PPP1R14C: variants seen among roughly 807,000 people sequenced by gnomAD.
PPP1R14C encodes protein phosphatase 1 regulatory subunit 14C.
A neutral mutation model predicts 20.4 loss-of-function variants in PPP1R14C; 16 were observed. That is an observed-to-expected ratio of 0.78 (90% confidence interval 0.53 to 1.19). The LOEUF is 1.19. Among genes scored for constraint, PPP1R14C ranks in the 50% most tolerant of loss-of-function variants. The pLI, the probability that PPP1R14C is intolerant of heterozygous loss-of-function variation, is 0.00. For missense variants in PPP1R14C, 211 were observed against 220.1 expected, an observed-to-expected ratio of 0.96 and a Z score of 0.26; for synonymous variants, 91 against 91.0, an observed-to-expected ratio of 1.00 and a Z score of 0.00.
intron 1 of PPP1R14C, among the ~76,000 whole-genome samples, chr6:150,209,853 G>A (rs1317657886): frequency 6.6e-6 from 1 of 151,702 alleles, no homozygotes; most frequent in Non-Finnish European, 1.5e-5. Context: ...GTGTGTGTGT[G>A]TGTGTGGATG....
Position 150,163,644 on chromosome 6 carries a change from G to T in PPP1R14C, c.306+20146G>T, listed in dbSNP as rs573252897. Among the ~76,000 whole-genome samples, 145 of 151,968 alleles carry T rather than the reference G, an allele frequency of 9.5e-4. 1 individual carries two copies. Among genetic ancestry groups the T allele is most frequent in the African/African-American group, 3.4e-3 (140 of 41,418 alleles). On this transcript the variant is annotated intron_variant, in intron 1 of 3. Coordinates refer to ENST00000361131, the MANE Select transcript of PPP1R14C (RefSeq NM_030949.3). Reference sequence around the variant, plus strand: ...AAGCTTTTATGTCTGTTTTTTTGTTGTTGTTGTTGTTCAACATTAGATGTG... The same window carrying T: ...AAGCTTTTATGTCTGTTTTTTTGTTTTTGTTGTTGTTCAACATTAGATGTG...
At chr6:150,195,260 T>TA in intron 1 of PPP1R14C, 3 of 676,958 alleles carry the variant, frequency 4.4e-6, no homozygotes, top group Non-Finnish European at 3.6e-6. Flanking sequence ...TACCATGTTA[T>TA]ACATGGGGGC....
chr6:150,170,586 T>G (rs1777486984), intron 1 of PPP1R14C, among the ~76,000 whole-genome samples: 1 of 152,132 alleles, frequency 6.6e-6, no homozygotes, highest in Non-Finnish European at 1.5e-5. Flanking sequence ...CCTCCCAAAG[T>G]GCTGGAATTA....
intron 1 of PPP1R14C, among the ~76,000 whole-genome samples, chr6:150,213,326 G>T (rs987387822): frequency 3.4e-5 from 5 of 149,186 alleles, no homozygotes; most frequent in Non-Finnish European, 7.4e-5. Context: ...AGTATACTGG[G>T]GTCCTCACTT....
At chr6:150,240,636 G>C (rs531197808) in intron 3 of PPP1R14C, among the ~76,000 whole-genome samples, 4 of 152,192 alleles carry the variant, frequency 2.6e-5, no homozygotes, top group African/African-American at 9.6e-5. Context: ...GATTGTTTGC[G>C]GGAGAGGACC....
At chr6:150,217,991 C>T (rs1225572532) in intron 3 of PPP1R14C, among the ~76,000 whole-genome samples, 2 of 152,098 alleles carry the variant, frequency 1.3e-5, no homozygotes, top group Non-Finnish European at 2.9e-5. Context: ...TAATTTTAGC[C>T]ACCAAAATAT....
In PPP1R14C at chr6:150,179,703, C is replaced by A. The variant is rs573150020; in HGVS notation, c.307-35041C>A. ...TCTCTTACACAGGTGACATAAATAA[C>A]TTTTTTTTCCAAATACAGCTGTGAC... On this transcript the variant is annotated intron_variant, in intron 1 of 3. Transcript: ENST00000361131. Among the ~76,000 whole-genome samples the A allele has an allele frequency of 2.6e-5, 4 of 151,664 alleles. No individual in the cohort carries two copies. In the East Asian group the frequency reaches 7.8e-4, roughly 29 times the overall value.
chr6:150,192,182 G>A (rs905303611), intron 1 of PPP1R14C, among the ~76,000 whole-genome samples: 30 of 152,130 alleles, frequency 2.0e-4, no homozygotes, highest in Non-Finnish European at 8.8e-5. Flanking sequence ...GATGCCGCCT[G>A]GGCTGCCTGG....
rs143293967 is a variant in PPP1R14C, at chr6:150,175,555, A to G, written c.306+32057A>G. Among the ~76,000 whole-genome samples, 268 of 152,376 alleles carry G rather than the reference A, an allele frequency of 1.8e-3. 1 individual carries two copies. Among genetic ancestry groups the G allele is most frequent in the African/African-American group, 6.2e-3 (259 of 41,588 alleles). ...TCCTTTGTAAAATATTACTTCAACAATAAAAGTGAACTCTTGAGCATGGGG... is the reference window on the plus strand; with the variant it reads ...TCCTTTGTAAAATATTACTTCAACAGTAAAAGTGAACTCTTGAGCATGGGG... On this transcript the variant is annotated intron_variant, in intron 1 of 3. Coordinates refer to ENST00000361131, the MANE Select transcript of PPP1R14C (RefSeq NM_030949.3).
Position 150,170,276 on chromosome 6 carries a change from A to G in PPP1R14C, c.306+26778A>G, listed in dbSNP as rs186990952. On this transcript the variant is annotated intron_variant, in intron 1 of 3. Transcript: ENST00000361131. The stretch of plus-strand genomic sequence containing the variant: ...AGAAAATATGGGTGATGAGAACTGA[A>G]TTCAACACATACTCATTACACTTTT... 1.0e-3 allele frequency among the ~76,000 whole-genome samples: 152 copies of G among 152,226 alleles called. 1 individual carries two copies. Among genetic ancestry groups the G allele is most frequent in the African/African-American group, 3.4e-3 (141 of 41,536 alleles).
chr6:150,175,150 T>C (rs554460409), intron 1 of PPP1R14C, among the ~76,000 whole-genome samples: 1 of 152,208 alleles, frequency 6.6e-6, no homozygotes, highest in Non-Finnish European at 1.5e-5. Flanking sequence ...TGTGCTGGGC[T>C]GTTCTAAGGC....
rs533237655 is a variant in PPP1R14C at position 150,179,847 on chromosome 6, G to T, written c.307-34897G>T. ...CAAGTTACTTAGACTCTGTTTTTTG[G>T]TTTTTCTCATTTGTAAGGTGTGTTT... On this transcript the variant is annotated intron_variant, in intron 1 of 3. Coordinates refer to ENST00000361131, the MANE Select transcript of PPP1R14C (RefSeq NM_030949.3). Among the ~76,000 whole-genome samples, 13 of 152,188 alleles carry T rather than the reference G, an allele frequency of 8.5e-5. No homozygotes were observed. The East Asian group carries it at 1.5e-3, about 18-fold the overall frequency.
At chr6:150,222,919 C>CCACCACA (rs1778187719) in intron 3 of PPP1R14C, among the ~76,000 whole-genome samples, 1 of 151,836 alleles carries the variant, frequency 6.6e-6, no homozygotes, top group Non-Finnish European at 1.5e-5. Flanking sequence ...CAGGCGCGTG[C>CCACCACA]CACCACACCC....
chr6:150,166,032 C>T (rs1023637040), intron 1 of PPP1R14C, among the ~76,000 whole-genome samples: 7 of 151,596 alleles, frequency 4.6e-5, no homozygotes, highest in Admixed American at 6.6e-5. Flanking sequence ...GAGTGGGCCA[C>T]GTGCCATATA....
chr6:150,218,480 C>A (rs1206737530), intron 3 of PPP1R14C, among the ~76,000 whole-genome samples: 5 of 115,954 alleles, frequency 4.3e-5, no homozygotes, highest in Non-Finnish European at 7.0e-5. Flanking sequence ...CTGAACCCCC[C>A]CCCCCAAAAA....
At chr6:150,175,862 A>G (rs1287833279) in intron 1 of PPP1R14C, among the ~76,000 whole-genome samples, 1 of 152,350 alleles carries the variant, frequency 6.6e-6, no homozygotes, top group Middle Eastern at 3.4e-3. Context: ...AGTTTGAACC[A>G]CAAGCGCAAT....
At chr6:150,206,855 T>C (rs76822314) in intron 1 of PPP1R14C, among the ~76,000 whole-genome samples, 2,215 of 149,660 alleles carry the variant, frequency 0.015, 62 homozygotes, top group African/African-American at 0.052. Flanking sequence ...TGTTTTTTTT[T>C]GTTTGTTTCT....
At chr6:150,238,619 A>G (rs1421396948) in intron 3 of PPP1R14C, among the ~76,000 whole-genome samples, 1 of 152,268 alleles carries the variant, frequency 6.6e-6, no homozygotes, top group Non-Finnish European at 1.5e-5. Flanking sequence ...ATATGTTGGC[A>G]GGGCCTGTGT....
At chr6:150,213,099 C>T (rs1459775598) in intron 1 of PPP1R14C, among the ~76,000 whole-genome samples, 4 of 152,146 alleles carry the variant, frequency 2.6e-5, no homozygotes, top group Non-Finnish European at 5.9e-5. Context: ...TTAGGCAGAA[C>T]CGCACAGATG....
Sources: gnomAD v4.1 joint callset for allele counts (sites outside exome capture counted in the v4.1 genomes callset) on GRCh38, gnomAD v4.1.1 for gene constraint, MANE v1.5 for transcripts, NCBI Gene and HGNC (gene_info 2026-07-23, HGNC 2026-07-21) for gene names.